RLN2: variants seen among roughly 807,000 people sequenced by gnomAD.
RLN2 encodes relaxin 2, also known as prorelaxin H2.
In RLN2, 10 loss-of-function variants were observed where a neutral mutation model predicts 7.3. The ratio of observed to expected loss-of-function variants is 1.36; its 90% confidence interval spans 0.84 to 2.31. The LOEUF (loss-of-function observed/expected upper bound fraction) is 2.31, where lower values mean the gene tolerates loss of function less well. Among genes scored for constraint, RLN2 ranks in the 30% most tolerant of loss-of-function variants. The pLI, the probability that RLN2 is intolerant of heterozygous loss-of-function variation, is 0.00. For synonymous variants in RLN2, 103 were observed against 82.3 expected, an observed-to-expected ratio of 1.25 and a Z score of -1.36; for missense variants, 298 against 217.6, an observed-to-expected ratio of 1.37 and a Z score of -2.32.
At chr9:5,306,205 T>G (rs1002832680), upstream of RLN2, among the ~76,000 whole-genome samples, 3 of 150,974 alleles carry the variant, frequency 2.0e-5, no homozygotes, top group East Asian at 5.8e-4. Flanking sequence ...CCTCCCAGGT[T>G]CAAGCAATTC....
intron 1 of RLN2, among the ~76,000 whole-genome samples, 182 bp from the exon 2 acceptor site, chr9:5,300,626 A>G (rs960363802): frequency 2.0e-5 from 3 of 152,230 alleles, no homozygotes; most frequent in Non-Finnish European, 4.4e-5. Context: ...GACACCTTAA[A>G]GTACCATAAT....
chr9:5,306,475 C>T (rs985240547), upstream of RLN2, among the ~76,000 whole-genome samples: 1 of 151,966 alleles, frequency 6.6e-6, no homozygotes, highest in African/African-American at 2.4e-5. Flanking sequence ...AAAGAAGAAA[C>T]AGATTGAGAG....
the RLN2 span, among the ~76,000 whole-genome samples, chr9:5,310,796 T>A: frequency 6.6e-6 from 1 of 152,132 alleles, no homozygotes; most frequent in African/African-American, 2.4e-5. Context: ...TGCTGTCATT[T>A]ATGTCACTTA....
At chr9:5,309,388 G>C (rs566758660), upstream of RLN2, among the ~76,000 whole-genome samples, 22 of 151,996 alleles carry the variant, frequency 1.4e-4, 1 homozygote, top group East Asian at 3.9e-3. Flanking sequence ...AAACTTCACA[G>C]CTGGCTTCTA....
At chr9:5,317,953 C>T in the RLN2 span, among the ~76,000 whole-genome samples, 10 of 151,268 alleles carry the variant, frequency 6.6e-5, no homozygotes, top group South Asian at 2.1e-4. Context: ...CAAAATCGTA[C>T]GACCCTTTTG....
the RLN2 span, among the ~76,000 whole-genome samples, chr9:5,321,199 G>C: frequency 6.6e-6 from 1 of 152,058 alleles, no homozygotes; most frequent in Non-Finnish European, 1.5e-5. Context: ...AAGTATGAAT[G>C]TGAAGGCCAC....
the RLN2 span, among the ~76,000 whole-genome samples, chr9:5,314,439 A>C: frequency 2.0e-5 from 3 of 152,072 alleles, no homozygotes; most frequent in East Asian, 5.8e-4. Flanking sequence ...TTGGCTGCTC[A>C]GGGCAGTCAT....
At chr9:5,337,672 G>A in the RLN2 span, among the ~76,000 whole-genome samples, 8 of 151,904 alleles carry the variant, frequency 5.3e-5, no homozygotes, top group African/African-American at 1.7e-4. Context: ...CTTCCAAAGC[G>A]ATTCCTACCT....
the RLN2 span, among the ~76,000 whole-genome samples, chr9:5,316,692 A>C: frequency 6.6e-6 from 1 of 151,906 alleles, no homozygotes; most frequent in African/African-American, 2.4e-5. Flanking sequence ...CCAGTCTATC[A>C]TGGGTGGGCA....
At chr9:5,329,077 G>A in the RLN2 span, among the ~76,000 whole-genome samples, 1 of 151,880 alleles carries the variant, frequency 6.6e-6, no homozygotes, top group African/African-American at 2.4e-5. Context: ...GCCGAGGCGG[G>A]TGGATCATGA....
the RLN2 span, among the ~76,000 whole-genome samples, chr9:5,337,068 C>G: frequency 7.1e-3 from 1,073 of 152,130 alleles, 33 homozygotes; most frequent in African/African-American, 0.025. Flanking sequence ...CATCCACATT[C>G]TAAACTGGAA....
the RLN2 span, among the ~76,000 whole-genome samples, chr9:5,321,403 C>T: frequency 6.6e-6 from 1 of 151,774 alleles, no homozygotes; most frequent in Non-Finnish European, 1.5e-5. Context: ...TCTTCCCTGA[C>T]TCTCCATCCA....
the RLN2 span, among the ~76,000 whole-genome samples, chr9:5,314,353 C>G: frequency 3.9e-4 from 59 of 152,108 alleles, no homozygotes; most frequent in East Asian, 7.4e-3. Context: ...TCCACCCACC[C>G]CTCCAAGTTG....
At chr9:5,311,874 G>A in the RLN2 span, among the ~76,000 whole-genome samples, 3 of 146,790 alleles carry the variant, frequency 2.0e-5, no homozygotes, top group East Asian at 6.0e-4. Flanking sequence ...TGTGCACATT[G>A]TGCAGGTTAG....
the RLN2 span, among the ~76,000 whole-genome samples, chr9:5,336,440 G>C: frequency 2.6e-5 from 4 of 152,022 alleles, 1 homozygote; most frequent in African/African-American, 9.7e-5. Flanking sequence ...TGAAGGCTGG[G>C]ACTTGGGCTG....
chr9:5,312,237 G>A, the RLN2 span, among the ~76,000 whole-genome samples: 343 of 152,088 alleles, frequency 2.3e-3, 8 homozygotes, highest in African/African-American at 7.8e-3. Flanking sequence ...AAACAAATTC[G>A]TTTTATGTCT....
chr9:5,304,980 ATTC>A, upstream of RLN2: 1 of 189,452 alleles, frequency 5.3e-6, no homozygotes, highest in Non-Finnish European at 1.1e-5. Flanking sequence ...GATCACCCAT[ATTC>A]TTACAACTCA....
intron 1 of RLN2, among the ~76,000 whole-genome samples, chr9:5,302,215 C>T (rs1816162414): frequency 6.6e-6 from 1 of 152,134 alleles, no homozygotes; most frequent in African/African-American, 2.4e-5. Flanking sequence ...TAATCCATAA[C>T]ACCTTTAGCT....
chr9:5,323,774 G>A, the RLN2 span, among the ~76,000 whole-genome samples: 3 of 151,924 alleles, frequency 2.0e-5, no homozygotes, highest in Non-Finnish European at 4.4e-5. Flanking sequence ...GGCCAGGCAC[G>A]GTGGCTCATG....
Sources: allele counts gnomAD v4.1 joint callset (sites outside exome capture counted in the v4.1 genomes callset), GRCh38; gene constraint gnomAD v4.1.1; transcripts MANE v1.5; gene names NCBI Gene and HGNC (gene_info 2026-07-23, HGNC 2026-07-21).